Variants in HNRNPH1 observed in about 807,000 individuals in gnomAD.
The protein encoded by HNRNPH1 is heterogeneous nuclear ribonucleoprotein H.
In HNRNPH1, 4 loss-of-function variants were observed where a neutral mutation model predicts 58.6. That is an observed-to-expected ratio of 0.07 (90% confidence interval 0.03 to 0.16). The LOEUF is 0.16. HNRNPH1 is among the 10% of genes least tolerant of loss of function. The probability of loss-of-function intolerance (pLI) is 1.00; values close to 1 mark genes in which losing one functional copy is unlikely to be tolerated. For missense variants in HNRNPH1, 271 were observed against 564.2 expected, an observed-to-expected ratio of 0.48 and a Z score of 5.26; for synonymous variants, 192 against 189.2, an observed-to-expected ratio of 1.01 and a Z score of -0.12.
exon 1 of HNRNPH1, chr5:179,623,206 C>T: frequency 8.7e-7 from 1 of 1,148,400 alleles, no homozygotes; most frequent in Non-Finnish European, 1.3e-6. Context: ...GCCAATTAAG[C>T]TGTCCTTCGC....
At chr5:179,617,776 T>G (rs757942493) in intron 7 of HNRNPH1, 23 bp downstream of exon 8, 1 of 1,611,176 alleles carries the variant, frequency 6.2e-7, no homozygotes, top group Admixed American at 1.7e-5. Flanking sequence ...AAATATTGAC[T>G]TGTGAGTTCA....
At chr5:179,623,270 G>A in exon 1 of HNRNPH1, 1 of 530,030 alleles carries the variant, frequency 1.9e-6, no homozygotes, top group East Asian at 4.1e-5. Context: ...AAACCGGGCG[G>A]ATGCACCCAC....
At chr5:179,620,746 T>C (rs890085556) in intron 3 of HNRNPH1, 146 bp downstream of exon 4, 21 of 665,188 alleles carry the variant, frequency 3.2e-5, no homozygotes, top group East Asian at 1.1e-4. Context: ...CTTAAATTAT[T>C]TGAAGGTCTC....
chr5:179,622,165 T>A (rs1399847486), intron 1 of HNRNPH1, among the ~76,000 whole-genome samples: 2 of 152,114 alleles, frequency 1.3e-5, no homozygotes, highest in African/African-American at 4.8e-5. Flanking sequence ...TGTCTTCAAC[T>A]GTATAGTGAG....
At chr5:179,631,392 A>G (rs1225879797) in intron 2 of HNRNPH1, among the ~76,000 whole-genome samples, 1 of 152,098 alleles carries the variant, frequency 6.6e-6, no homozygotes, top group African/African-American at 2.4e-5. Context: ...CAGGCACATC[A>G]CCTGAGGTCA....
exon 1 of HNRNPH1, chr5:179,623,151 G>A (rs1300474960): frequency 3.8e-6 from 6 of 1,582,988 alleles, no homozygotes; most frequent in South Asian, 2.2e-5. Context: ...TACGCGGTCC[G>A]GCGTCGAAAC....
At chr5:179,624,651 T>A in exon 1 of HNRNPH1, 1 of 398,604 alleles carries the variant, frequency 2.5e-6, no homozygotes, top group Non-Finnish European at 4.4e-6. Context: ...TGACTAATGT[T>A]CGTGGTTTCT....
In HNRNPH1 at chr5:179,620,423, C is replaced by G. The variant is rs995693286; in HGVS notation, c.397+469G>C. On this transcript the variant is annotated intron_variant, in intron 3 of 12. Coordinates refer to ENST00000356731, the Ensembl canonical transcript of HNRNPH1. ...TAAGTTTATACCACACAGGTTAAACCAAGTCTTTCATAAACCGACTTTTGC... is the reference window on the plus strand; with the variant it reads ...TAAGTTTATACCACACAGGTTAAACGAAGTCTTTCATAAACCGACTTTTGC... 2.0e-5 allele frequency among the ~76,000 whole-genome samples: 3 copies of G among 152,178 alleles called. No individual in the cohort carries two copies. In the South Asian group the frequency reaches 6.2e-4, roughly 31 times the overall value.
chr5:179,633,461 A>ATTTTTTTTTTTTT (rs762139490), intron 2 of HNRNPH1, among the ~76,000 whole-genome samples: 11 of 102,590 alleles, frequency 1.1e-4, no homozygotes, highest in African/African-American at 3.9e-4. Flanking sequence ...CACCCGGCTA[A>ATTTTTTTTTTTTT]TTTTTTTTTT....
At chr5:179,632,172 G>C (rs59671351) in intron 2 of HNRNPH1, among the ~76,000 whole-genome samples, 2 of 152,134 alleles carry the variant, frequency 1.3e-5, no homozygotes, top group Non-Finnish European at 2.9e-5. Context: ...TCCGGGCGTG[G>C]TGGCGGGTGC....
intron 2 of HNRNPH1, among the ~76,000 whole-genome samples, chr5:179,630,165 A>G (rs1483004567): frequency 6.6e-6 from 1 of 151,954 alleles, no homozygotes; most frequent in Non-Finnish European, 1.5e-5. Flanking sequence ...CCTGACCAAC[A>G]TAGAGAAACC....
chr5:179,620,544 A>T (rs1771851367), intron 3 of HNRNPH1: 1 of 197,864 alleles, frequency 5.1e-6, no homozygotes. Context: ...CAACAACCTA[A>T]TTCATCGCAC....
At chr5:179,623,562 G>A (rs963410104) in exon 1 of HNRNPH1, 1 of 164,302 alleles carries the variant, frequency 6.1e-6, no homozygotes, top group African/African-American at 2.4e-5. Flanking sequence ...CAGAGATATG[G>A]GGACAAACAA....
chr5:179,615,933 GT>G (rs1218956449), intron 11 of HNRNPH1, 192 bp downstream of exon 12: 4 of 554,314 alleles, frequency 7.2e-6, no homozygotes, highest in African/African-American at 5.7e-5. Context: ...AGTAAAAACA[GT>G]TACATTTGGA....
chr5:179,631,210 T>TA (rs1774803512), intron 2 of HNRNPH1, among the ~76,000 whole-genome samples: 1 of 152,102 alleles, frequency 6.6e-6, no homozygotes, highest in South Asian at 2.1e-4. Context: ...CATGAAAAGA[T>TA]ATACGTTACG....
At chr5:179,615,502 A>G in intron 12 of HNRNPH1, 44 bp downstream of exon 13, 1 of 1,011,262 alleles carries the variant, frequency 9.9e-7, no homozygotes, top group Non-Finnish European at 1.6e-6. Context: ...ACAACATATC[A>G]GTATTTGCTA....
At chr5:179,625,655 G>A (rs1234082454), upstream of HNRNPH1, among the ~76,000 whole-genome samples, 58 of 111,256 alleles carry the variant, frequency 5.2e-4, no homozygotes, top group Non-Finnish European at 9.4e-4. Context: ...GCAAAACTCC[G>A]TCTCAAAAAA....
chr5:179,632,932 A>G (rs910315274), intron 2 of HNRNPH1, among the ~76,000 whole-genome samples: 1 of 136,240 alleles, frequency 7.3e-6, no homozygotes, highest in African/African-American at 2.8e-5. Context: ...ATCTCGGCTC[A>G]CTGCAACATC....
chr5:179,614,632 T>TAG (rs1173184378), exon 13 of HNRNPH1: 7 of 415,724 alleles, frequency 1.7e-5, no homozygotes, highest in African/African-American at 1.4e-4. Context: ...TTAACAGTTA[T>TAG]AGTTTACTCA....
Sources: allele counts gnomAD v4.1 joint callset (sites outside exome capture counted in the v4.1 genomes callset), GRCh38; gene constraint gnomAD v4.1.1; transcripts MANE v1.5; gene names NCBI Gene and HGNC (gene_info 2026-07-23, HGNC 2026-07-21).